The following GPHN variants were observed in gnomAD, a reference collection of about 807,000 sequenced individuals.
The protein encoded by GPHN is gephyrin.
A neutral mutation model predicts 95.5 loss-of-function variants in GPHN; 17 were observed. The ratio of observed to expected loss-of-function variants is 0.18; its 90% CI spans 0.12 to 0.27. The LOEUF is 0.27. GPHN is among the 10% of genes least tolerant of loss of function. The pLI, the probability that GPHN is intolerant of heterozygous loss-of-function variation, is 1.00. For synonymous variants in GPHN, 320 were observed against 322.5 expected (o/e 0.99, Z 0.08); for missense variants, 660 against 978.1 (o/e 0.67, Z 4.34).
At chr14:67,695,708 G>C in the GPHN span, 1 of 1,613,976 alleles carries the variant, frequency 6.2e-7, no homozygotes, top group African/African-American at 1.3e-5. Flanking sequence ...AACCATCTCT[G>C]CCGGCTGCAG....
the GPHN span, among the ~76,000 whole-genome samples, chr14:67,209,409 C>A: frequency 6.6e-6 from 1 of 152,080 alleles, no homozygotes; most frequent in Middle Eastern, 3.2e-3. Flanking sequence ...CAAGTGTGAA[C>A]CTCTGGGGGA....
chr14:67,650,628 G>T, the GPHN span: 1 of 1,233,222 alleles, frequency 8.1e-7, no homozygotes, highest in Non-Finnish European at 1.2e-6. Context: ...TTTTTACTTT[G>T]GCTTGTTCTC....
At chr14:67,380,624 T>G in the GPHN span, 1 of 1,248,348 alleles carries the variant, frequency 8.0e-7, no homozygotes, top group Non-Finnish European at 1.1e-6. Flanking sequence ...TAATATAACC[T>G]TGACCTTTTG....
intron 5 of GPHN, among the ~76,000 whole-genome samples, chr14:66,900,245 T>C (rs1567078034): frequency 1.3e-5 from 2 of 152,064 alleles, no homozygotes; most frequent in Admixed American, 6.6e-5. Flanking sequence ...TTCACTGTTA[T>C]CTGCTCTTTA....
the GPHN span, chr14:67,533,297 G>T: frequency 6.6e-6 from 1 of 151,878 alleles, no homozygotes; most frequent in Non-Finnish European, 1.5e-5. Context: ...ACCGGCGGCA[G>T]CCCGGGACTC....
the GPHN span, among the ~76,000 whole-genome samples, chr14:67,724,299 C>G: frequency 6.6e-6 from 1 of 152,152 alleles, no homozygotes. Context: ...AGGCGACTAC[C>G]TTGCCCCATG....
the GPHN span, among the ~76,000 whole-genome samples, chr14:67,665,438 A>T: frequency 6.8e-6 from 1 of 147,786 alleles, no homozygotes; most frequent in Non-Finnish European, 1.5e-5. Flanking sequence ...CACACAGCTA[A>T]TTTTTTTTTT....
chr14:67,003,468 T>C (rs1231366870), intron 9 of GPHN, among the ~76,000 whole-genome samples: 2 of 151,686 alleles, frequency 1.3e-5, no homozygotes, highest in Non-Finnish European at 3.0e-5. Flanking sequence ...GAATCCAGCC[T>C]ACTTCAAGGC....
chr14:67,284,660 C>T, the GPHN span, among the ~76,000 whole-genome samples: 1 of 149,942 alleles, frequency 6.7e-6, no homozygotes, highest in African/African-American at 2.4e-5. Context: ...ATTCTGTCCA[C>T]CACCTGGCCC....
chr14:66,791,978 C>T (rs779726563), intron 3 of GPHN, among the ~76,000 whole-genome samples: 3 of 152,152 alleles, frequency 2.0e-5, no homozygotes, highest in Non-Finnish European at 4.4e-5. Context: ...TGGTGACAGG[C>T]AAGAGAGCTT....
intron 1 of GPHN, among the ~76,000 whole-genome samples, chr14:66,613,214 A>G (rs936256595): frequency 6.6e-6 from 1 of 152,094 alleles, no homozygotes; most frequent in African/African-American, 2.4e-5. Flanking sequence ...TTCTGTTTAA[A>G]GGCACCTTAT....
At chr14:66,584,702 G>T (rs946575387) in intron 1 of GPHN, among the ~76,000 whole-genome samples, 1 of 151,958 alleles carries the variant, frequency 6.6e-6, no homozygotes, top group Admixed American at 6.6e-5. Flanking sequence ...ATTGATTTTC[G>T]TATGTTGAGC....
chr14:66,853,304 T>A (rs748737191), intron 4 of GPHN, among the ~76,000 whole-genome samples: 1 of 152,190 alleles, frequency 6.6e-6, no homozygotes, highest in Non-Finnish European at 1.5e-5. Context: ...GGAAGAAATA[T>A]GGATTCCTTT....
intron 1 of GPHN, among the ~76,000 whole-genome samples, chr14:66,617,370 C>G (rs1322004753): frequency 6.6e-6 from 1 of 151,914 alleles, no homozygotes; most frequent in African/African-American, 2.4e-5. Flanking sequence ...ATCTTCTGAT[C>G]CATGGGTTGC....
chr14:66,913,398 A>G (rs770957243), intron 5 of GPHN, among the ~76,000 whole-genome samples: 2 of 151,862 alleles, frequency 1.3e-5, no homozygotes, highest in Non-Finnish European at 2.9e-5. Context: ...CTGGAGTGCA[A>G]TGGCACAATC....
intron 8 of GPHN, among the ~76,000 whole-genome samples, chr14:66,946,027 A>AT (rs577626543): frequency 1.1e-4 from 16 of 151,696 alleles, no homozygotes; most frequent in Admixed American, 7.9e-4. Flanking sequence ...ATTCCCTGAA[A>AT]TTTTTTTTTA....
At chr14:67,367,271 G>A in the GPHN span, among the ~76,000 whole-genome samples, 8 of 152,106 alleles carry the variant, frequency 5.3e-5, no homozygotes, top group Non-Finnish European at 7.4e-5. Flanking sequence ...TCACTCTGTC[G>A]CCAGGCTGGA....
At chr14:67,085,494 C>G (rs1053124321) in intron 11 of GPHN, among the ~76,000 whole-genome samples, 6 of 152,184 alleles carry the variant, frequency 3.9e-5, no homozygotes, top group African/African-American at 1.4e-4. Context: ...TATAATACAG[C>G]TGTCAGTATC....
chr14:66,625,494 C>T (rs2063491338), intron 1 of GPHN, among the ~76,000 whole-genome samples: 1 of 152,082 alleles, frequency 6.6e-6, no homozygotes, highest in African/African-American at 2.4e-5. Flanking sequence ...AATTTCCCCC[C>T]CAATTTTCTT....
Sources: allele counts gnomAD v4.1 joint callset (sites outside exome capture counted in the v4.1 genomes callset), GRCh38; gene constraint gnomAD v4.1.1; transcripts MANE v1.5; gene names NCBI Gene and HGNC (gene_info 2026-07-23, HGNC 2026-07-21).